Variants in AANAT observed in about 807,000 individuals in gnomAD.
AANAT encodes aralkylamine N-acetyltransferase, also known as serotonin N-acetyltransferase.
AANAT carries 11 observed loss-of-function variants against 15.6 expected under a neutral mutation model. The ratio of observed to expected loss-of-function variants is 0.71; its 90% CI spans 0.44 to 1.17. AANAT has a LOEUF of 1.17. Ranked by LOEUF, AANAT falls within the 50% of genes most tolerant of loss-of-function variation. AANAT has a pLI of 0.00. For missense variants in AANAT, 286 were observed against 296.3 expected (o/e 0.97, Z 0.26); for synonymous variants, 139 against 131.5 (o/e 1.06, Z -0.39).
At chr17:76,457,450 C>T (rs936655748) in intron 1 of AANAT, among the ~76,000 whole-genome samples, 1 of 152,182 alleles carries the variant, frequency 6.6e-6, no homozygotes, top group Non-Finnish European at 1.5e-5. Flanking sequence ...CCTCCCTAAT[C>T]ATTGAGTAAT....
intron 2 of AANAT, among the ~76,000 whole-genome samples, chr17:76,459,915 G>T (rs1047139511): frequency 6.6e-6 from 1 of 152,174 alleles, no homozygotes; most frequent in South Asian, 2.1e-4. Flanking sequence ...GCCCCAGGCC[G>T]TCTAATCTGT....
At chr17:76,454,472 A>G (rs8072743) in intron 1 of AANAT, among the ~76,000 whole-genome samples, 133,735 of 151,750 alleles carry the variant, frequency 0.88, 59,081 homozygotes, top group East Asian at 1. Flanking sequence ...GCAACAGAGC[A>G]AGACTCTGTC....
intron 1 of AANAT, among the ~76,000 whole-genome samples, chr17:76,455,189 C>T (rs931010840): frequency 3.9e-5 from 6 of 152,096 alleles, no homozygotes; most frequent in South Asian, 2.1e-4. Flanking sequence ...ACTTTGACTG[C>T]GCCTGAAATC....
rs1187092789 is a variant in AANAT at position 76,469,021 on chromosome 17, C to T, written c.163+112C>T. On this transcript the variant is annotated intron_variant, in intron 2 of 3. Coordinates refer to ENST00000392492, the MANE Select transcript of AANAT (RefSeq NM_001088.3). The surrounding 1 kb of genome is among the most constrained non-coding windows in gnomAD (Gnocchi z 5.2). Reference sequence around the variant, plus strand: ...GAGGCTGGGTCCCAGAGTATCAGACCATGTGTGCGCTCAAGAAAGTGGGGG... The same window carrying T: ...GAGGCTGGGTCCCAGAGTATCAGACTATGTGTGCGCTCAAGAAAGTGGGGG... The T allele has an allele frequency of 4.1e-6, 6 of 1,478,142 alleles. No homozygotes were observed. In the East Asian group the frequency reaches 1.1e-4, roughly 28 times the overall value. 91.6% of individuals were successfully genotyped at this position (1,478,142 alleles called of 1,614,324 possible). A position where few individuals can be genotyped will look rare whatever the true frequency, so the allele number is the denominator to read the frequency against.
intron 1 of AANAT, among the ~76,000 whole-genome samples, chr17:76,468,336 T>G (rs2073462468): frequency 6.6e-6 from 1 of 152,056 alleles, no homozygotes; most frequent in Non-Finnish European, 1.5e-5. Flanking sequence ...GCAGCAGGGT[T>G]GGGGTGCCCC....
Position 76,469,932 on chromosome 17 carries a change from C to T in AANAT, c.586C>T (p.Arg196Trp), listed in dbSNP as rs144513919. The T allele has an allele frequency of 1.6e-5, 24 of 1,537,562 alleles. No individual in the cohort carries two copies. The highest frequency in any genetic ancestry group is 6.0e-5 in the South Asian group (5 of 82,834). Residue 196 changes from arginine to tryptophan, a missense_variant, in exon 4 of 4, where the codon CGG (arginine) becomes TGG (tryptophan). Arg to Trp is a moderately radical substitution (Grantham distance 101). Transcript: ENST00000392492. This position sits in a 1 kb window ranked among gnomAD's most constrained non-coding sequence, Gnocchi z 5.2. Reference protein sequence around the residue: ...LTFMELHCSLRGHPFLRRNSG... With the variant: ...LTFMELHCSLWGHPFLRRNSG... ...CTTCATGGAGCTCCACTGCTCCCTG[C>T]GGGGCCACCCCTTCCTGCGCAGGAA...
At chr17:76,465,324 A>G (rs2073427267), upstream of AANAT, among the ~76,000 whole-genome samples, 1 of 148,900 alleles carries the variant, frequency 6.7e-6, no homozygotes, top group Non-Finnish European at 1.5e-5. Context: ...CTTCTTTTTT[A>G]GAGCCCACCT....
At chr17:76,455,576 C>T (rs2073335700) in intron 1 of AANAT, among the ~76,000 whole-genome samples, 1 of 152,198 alleles carries the variant, frequency 6.6e-6, no homozygotes, top group African/African-American at 2.4e-5. Context: ...CTTTCTCAGT[C>T]AACATCATTT....
chr17:76,465,078 T>C (rs575047362), upstream of AANAT, among the ~76,000 whole-genome samples: 1 of 152,244 alleles, frequency 6.6e-6, no homozygotes, highest in South Asian at 2.1e-4. Flanking sequence ...ATTACAGGCA[T>C]GAGCCACCGT....
chr17:76,464,476 T>G (rs771759350), upstream of AANAT, among the ~76,000 whole-genome samples: 5 of 152,144 alleles, frequency 3.3e-5, no homozygotes, highest in Admixed American at 1.3e-4. Flanking sequence ...TAAATCTGTC[T>G]GGGAGATCGA....
intron 2 of AANAT, among the ~76,000 whole-genome samples, chr17:76,460,129 A>ATTTTTTTTTTTTTTTTTTTTTTTTTTTTT (rs1567863927): frequency 1.2e-5 from 1 of 82,888 alleles, no homozygotes. Context: ...TACTTCAGGA[A>ATTTTTTTTTTTTTTTTTTTTTTTTTTTTT]ATTTTTTTTT....
chr17:76,461,683 G>A (rs1196296977), intron 2 of AANAT, among the ~76,000 whole-genome samples: 2 of 150,898 alleles, frequency 1.3e-5, no homozygotes, highest in African/African-American at 4.9e-5. Context: ...AGTGGTGGGT[G>A]CAACATCTCA....
upstream of AANAT, among the ~76,000 whole-genome samples, chr17:76,465,095 C>A (rs1165521445): frequency 6.6e-6 from 1 of 152,100 alleles, no homozygotes; most frequent in African/African-American, 2.4e-5. Flanking sequence ...CCGTGCCCGG[C>A]CTTGCCCATC....
chr17:76,454,763 C>G (rs939730797), intron 1 of AANAT, among the ~76,000 whole-genome samples: 3 of 151,638 alleles, frequency 2.0e-5, no homozygotes, highest in Admixed American at 6.6e-5. Flanking sequence ...GCAGAAGTTG[C>G]AGTGAGCCGA....
At chr17:76,462,894 C>A (rs2073402610), upstream of AANAT, among the ~76,000 whole-genome samples, 1 of 152,232 alleles carries the variant, frequency 6.6e-6, no homozygotes, top group African/African-American at 2.4e-5. Flanking sequence ...AAACCGGTAT[C>A]TCAGAGGCAT....
rs2073493023 is a variant in AANAT at position 76,469,592 on chromosome 17, CCT to C, written c.319-72_319-71del. 1 of 1,414,890 alleles carries C rather than the reference CCT, an allele frequency of 7.1e-7. No individual in the cohort carries two copies. The highest frequency in any genetic ancestry group is 9.2e-7 in the Non-Finnish European group (1 of 1,082,000). 87.6% of individuals were successfully genotyped at this position (1,414,890 alleles called of 1,614,324 possible). On this transcript the variant is annotated intron_variant, in intron 3 of 3. Transcript: ENST00000392492. The surrounding 1 kb of genome is among the most constrained non-coding windows in gnomAD (Gnocchi z 5.2). Reference sequence around the variant, plus strand: ...GCACCCAGGGGACACCTGCTCCCTGCCTGGGTTGGTGGTTGGGGGGGAGCACG... The same window carrying C: ...GCACCCAGGGGACACCTGCTCCCTGCGGGTTGGTGGTTGGGGGGGAGCACG...
upstream of AANAT, chr17:76,465,890 C>T: frequency 2.4e-6 from 1 of 416,382 alleles, no homozygotes; most frequent in South Asian, 2.4e-5. Flanking sequence ...CAGGGTCTCG[C>T]TCTGTCGCCC....
intron 2 of AANAT, among the ~76,000 whole-genome samples, chr17:76,460,650 G>A (rs1350566362): frequency 1.3e-5 from 2 of 152,094 alleles, no homozygotes; most frequent in African/African-American, 4.8e-5. Context: ...AATCACATGT[G>A]GGGCTCACAC....
Position 76,469,068 on chromosome 17 carries a change from T to C in AANAT, c.164-105T>C, listed in dbSNP as rs552021696. On this transcript the variant is annotated intron_variant, in intron 2 of 3. Transcript: ENST00000392492. This position sits in a 1 kb window ranked among gnomAD's most constrained non-coding sequence, Gnocchi z 5.2. ...GGGGAAACAGCAGCCCTAACCCCCA[T>C]TTTCCTGTGGGGAACGGGGCATCTG... 5.2e-6 allele frequency: 8 copies of C among 1,539,250 alleles called. No homozygotes were observed. In the East Asian group the frequency reaches 1.8e-4, roughly 35 times the overall value.
Sources: allele counts gnomAD v4.1 joint callset (sites outside exome capture counted in the v4.1 genomes callset), GRCh38; gene constraint gnomAD v4.1.1; non-coding constraint Gnocchi (gnomAD v3.1); transcripts MANE v1.5; gene names NCBI Gene and HGNC (gene_info 2026-07-23, HGNC 2026-07-21).